Variants in SMG1 observed in about 807,000 individuals in gnomAD.
The protein encoded by SMG1 is serine/threonine-protein kinase SMG1.
SMG1 carries 22 observed loss-of-function variants against 419.9 expected under a neutral mutation model. That is an observed-to-expected ratio of 0.05 (90% CI 0.04 to 0.07). The LOEUF (loss-of-function observed/expected upper bound fraction) is 0.07, where lower values mean the gene tolerates loss of function less well. Among genes scored for constraint, SMG1 ranks in the 10% least tolerant of loss-of-function variants. The pLI is 1.00. For missense variants in SMG1, 3,185 were observed against 4,342.0 expected (o/e 0.73, Z 7.49); for synonymous variants, 1,538 against 1,553.5 (o/e 0.99, Z 0.23).
intron 36 of SMG1, 92 bp downstream of exon 36, chr16:18,849,125 C>G: frequency 2.6e-6 from 1 of 388,688 alleles, no homozygotes. Context: ...ACTCTAACAA[C>G]TCTGGAACAT....
intron 41 of SMG1, 55 bp downstream of exon 41, chr16:18,841,510 A>G: frequency 1.3e-6 from 2 of 1,533,050 alleles, no homozygotes; most frequent in Non-Finnish European, 1.8e-6. Flanking sequence ...GTCTACAAGT[A>G]TTTCACATAA....
In SMG1 at chr16:18,839,758, G is replaced by A. The variant is rs371252722; in HGVS notation, c.6885C>T (p.Leu2295=). The change falls in exon 42 of 63, where the codon CTC becomes CTT. Residue 2295 remains leucine (L), a synonymous_variant. Transcript: ENST00000446231. ...AAGATGACCAGAGCTCTTTGGCAAG[G>A]AGATTCGGGGGTGTGGCCTCCATTA... ...EELMEATPPN[L]LAKELWSSCT... 8.7e-6 allele frequency: 14 copies of A among 1,614,018 alleles called. 1 individual carries two copies. In the African/African-American group the frequency reaches 1.6e-4, roughly 18 times the overall value.
rs2035376269 is a variant in SMG1 at position 18,864,254 on chromosome 16, G to A, written c.3351-110C>T. On this transcript the variant is annotated intron_variant, in intron 23 of 62. Coordinates refer to ENST00000446231, the MANE Select transcript of SMG1 (RefSeq NM_015092.5). Reference sequence around the variant, plus strand: ...CTTCTTGCCCAGGCTGGAGTGCAATGGCACTGTCTCAGCTCAATGCAACCT... The same window carrying A: ...CTTCTTGCCCAGGCTGGAGTGCAATAGCACTGTCTCAGCTCAATGCAACCT... 3.7e-5 allele frequency: 35 copies of A among 953,420 alleles called. No homozygotes were observed. The South Asian group carries it at 6.4e-4, about 18-fold the overall frequency. 59.1% of individuals were successfully genotyped at this position (953,420 alleles called of 1,614,324 possible).
chr16:18,840,195 G>A (rs2033834570), intron 41 of SMG1, among the ~76,000 whole-genome samples: 1 of 151,940 alleles, frequency 6.6e-6, no homozygotes, highest in Admixed American at 6.6e-5. Flanking sequence ...TAATTTTCTT[G>A]AGGTTCAATT....
At chr16:18,878,344 A>T (rs1324372942) in intron 11 of SMG1, 1 of 152,070 alleles carries the variant, frequency 6.6e-6, no homozygotes, top group Non-Finnish European at 1.5e-5. Flanking sequence ...ATGATTGCTC[A>T]CACCTGTAAT....
chr16:18,920,601 A>G (rs1249138451), intron 1 of SMG1, among the ~76,000 whole-genome samples: 3 of 149,526 alleles, frequency 2.0e-5, no homozygotes, highest in East Asian at 2.0e-4. Flanking sequence ...TTGGGAGGCC[A>G]AGGAGGAAGG....
chr16:18,884,257 G>A, intron 8 of SMG1, 90 bp from the exon 9 acceptor site: 1 of 594,824 alleles, frequency 1.7e-6, no homozygotes, highest in South Asian at 2.5e-5. Flanking sequence ...CTTGTTTTAA[G>A]AGGTATCTGG....
intron 6 of SMG1, among the ~76,000 whole-genome samples, chr16:18,886,337 T>C (rs1429768522): frequency 6.6e-6 from 1 of 152,186 alleles, no homozygotes; most frequent in Non-Finnish European, 1.5e-5. Context: ...CAGGTTACCA[T>C]TATACATAAA....
intron 38 of SMG1, among the ~76,000 whole-genome samples, chr16:18,845,964 C>T (rs753951705): frequency 1.3e-5 from 2 of 151,898 alleles, no homozygotes; most frequent in Non-Finnish European, 2.9e-5. Context: ...TACACACGCG[C>T]GACACCACGC....
chr16:18,836,435 G>C lies in SMG1; in HGVS notation c.7702C>G (p.Gln2568Glu). 1 of 1,614,038 alleles carries C rather than the reference G, an allele frequency of 6.2e-7. No homozygotes were observed. Among genetic ancestry groups the C allele is most frequent in the Non-Finnish European group, 8.5e-7 (1 of 1,179,896 alleles). ...GCTTCTAAATTATTGAATGCAGCCT[G>C]ATAATGTGTTATCCATTGTTCAAAT... ...NEFEQWITHY[Q>E]AAFNNLEATQ... The change falls in exon 47 of 63, where the codon CAG becomes GAG. Residue 2568 changes from glutamine to glutamate, a missense_variant. This residue lies in a region of SMG1 where 412 missense variants were observed against 546.6 expected (regional missense o/e 0.75). Transcript: ENST00000446231.
chr16:18,829,467 G>A lies in SMG1; in HGVS notation c.9422C>T (p.Ala3141Val), dbSNP rs200470223. The A allele has an allele frequency of 3.4e-5, 55 of 1,613,850 alleles. No homozygotes were observed. The highest frequency in any genetic ancestry group is 2.2e-4 in the Admixed American group (13 of 59,996). Residue 3141 changes from alanine to valine, a missense_variant, in exon 54 of 63, where the codon GCG becomes GTG. Coordinates refer to ENST00000446231, the MANE Select transcript of SMG1 (RefSeq NM_015092.5). Reference sequence around the variant, plus strand: ...CCCTATCTGGATGTTATGTTCCACCGCTTTCTTACAGAGATCATCAACAGA... The same window carrying A: ...CCCTATCTGGATGTTATGTTCCACCACTTTCTTACAGAGATCATCAACAGA... Reference protein sequence around the residue: ...KVSVDDLCKKAVEHNIQIGKF... With the variant: ...KVSVDDLCKKVVEHNIQIGKF...
intron 38 of SMG1, among the ~76,000 whole-genome samples, chr16:18,847,135 G>T (rs1232502930): frequency 6.6e-6 from 1 of 152,162 alleles, no homozygotes; most frequent in Non-Finnish European, 1.5e-5. Context: ...CAAAAAGATG[G>T]ATAGTTTATG....
intron 12 of SMG1, among the ~76,000 whole-genome samples, chr16:18,876,840 T>C (rs975481496): frequency 1.5e-4 from 23 of 152,182 alleles, no homozygotes; most frequent in African/African-American, 5.5e-4. Context: ...ACGTTATAAA[T>C]GTGTCAACTT....
intron 1 of SMG1, among the ~76,000 whole-genome samples, chr16:18,919,634 A>G (rs559900498): frequency 2.1e-3 from 260 of 124,656 alleles, no homozygotes; most frequent in African/African-American, 3.3e-3. Context: ...AAAAAAAAAA[A>G]TGTGTGTGTG....
chr16:18,830,974 T>C (rs945350003), intron 51 of SMG1, among the ~76,000 whole-genome samples: 13 of 152,126 alleles, frequency 8.5e-5, no homozygotes, highest in Non-Finnish European at 5.9e-5. Flanking sequence ...TATTGAAAAA[T>C]GTCAGAAATC....
Position 18,848,104 on chromosome 16 carries a change from A to G in SMG1, c.5624-71T>C, listed in dbSNP as rs2034371232. 4 of 1,292,520 alleles carry G rather than the reference A, an allele frequency of 3.1e-6. No individual in the cohort carries two copies. The African/African-American group carries it at 4.4e-5, about 14-fold the overall frequency. The allele number at this position is 1,292,520 out of a possible 1,614,324, so 80.1% of individuals were successfully genotyped here. A position where few individuals can be genotyped will look rare whatever the true frequency, so the allele number is the denominator to read the frequency against. Reference sequence around the variant, plus strand: ...ATGTGCATATGCTAGGTTAGGGAAAACACTGATAATCTATTTGACTCAAGA... The same window carrying G: ...ATGTGCATATGCTAGGTTAGGGAAAGCACTGATAATCTATTTGACTCAAGA... On this transcript the variant is annotated intron_variant, in intron 36 of 62. Transcript: ENST00000446231.
chr16:18,842,364 T>G lies in SMG1; in HGVS notation c.6310A>C (p.Asn2104His), dbSNP rs769582830. 1.9e-6 allele frequency: 3 copies of G among 1,613,936 alleles called. No homozygotes were observed. The highest frequency in any genetic ancestry group is 2.5e-6 in the Non-Finnish European group (3 of 1,179,894). The change falls in exon 40 of 63, where the codon AAC (asparagine) becomes CAC (histidine). Residue 2104 changes from asparagine to histidine, a missense_variant. Asn to His is a moderately conservative substitution (Grantham distance 68). Around this residue, in one of 27 missense-constraint regions of SMG1, gnomAD observed 159 missense variants for 196.0 expected, o/e 0.81. Transcript: ENST00000446231. The stretch of plus-strand genomic sequence containing the variant: ...TCCCCAGGAAGAGCAATTTCAGTGT[T>G]AGTCATGGCAGCCAACCATGGACTG... Reference protein sequence around the residue: ...EISPWLAAMTNTEIALPGEVS... With the variant: ...EISPWLAAMTHTEIALPGEVS...
In SMG1 at chr16:18,816,285, C is replaced by G; in HGVS notation, c.10302+17G>C. On this transcript the variant is annotated intron_variant, in intron 58 of 62. Transcript: ENST00000446231. ...AACAGAGGGAGAGTAAATGTGTGTT[C>G]ATGGTATTAGTCTTACCTTAGCCAT... The G allele has an allele frequency of 6.3e-7, 1 of 1,587,930 alleles. No individual in the cohort carries two copies. Among genetic ancestry groups the G allele is most frequent in the Non-Finnish European group, 8.6e-7 (1 of 1,159,894 alleles).
At chr16:18,883,372 A>G (rs1172323846) in intron 9 of SMG1, among the ~76,000 whole-genome samples, 1 of 152,240 alleles carries the variant, frequency 6.6e-6, no homozygotes, top group Non-Finnish European at 1.5e-5. Flanking sequence ...GTACGATTCA[A>G]GATCTCCTGT....
Sources: allele counts gnomAD v4.1 joint callset (sites outside exome capture counted in the v4.1 genomes callset), GRCh38; gene constraint gnomAD v4.1.1; regional missense constraint gnomAD v4.1.1; transcripts MANE v1.5; gene names NCBI Gene and HGNC (gene_info 2026-07-23, HGNC 2026-07-21).